The following HGSNAT variants were observed in gnomAD, a reference collection of about 807,000 sequenced individuals.
The protein encoded by HGSNAT is heparan-alpha-glucosaminide N-acetyltransferase, also known as transmembrane protein 76.
HGSNAT carries 59 observed loss-of-function variants against 85.2 expected under a neutral mutation model. That is an observed-to-expected ratio of 0.69 (90% CI 0.56 to 0.86). HGSNAT has a LOEUF of 0.86. HGSNAT is among the 40% of genes least tolerant of loss of function. HGSNAT has a pLI of 0.00. For missense variants in HGSNAT, 756 were observed against 777.1 expected, an observed-to-expected ratio of 0.97 and a Z score of 0.32; for synonymous variants, 321 against 304.5, an observed-to-expected ratio of 1.05 and a Z score of -0.56.
At chr8:43,160,615 G>A (rs1248298889) in intron 4 of HGSNAT, among the ~76,000 whole-genome samples, 3 of 152,190 alleles carry the variant, frequency 2.0e-5, no homozygotes, top group African/African-American at 7.2e-5. Context: ...ACCCTAAACT[G>A]TAAAATCACA....
At chr8:43,195,494 G>A (rs1804675555) in intron 14 of HGSNAT, among the ~76,000 whole-genome samples, 1 of 150,200 alleles carries the variant, frequency 6.7e-6, no homozygotes, top group African/African-American at 2.5e-5. Context: ...AGGAGGAGAA[G>A]GAAGAGGAGG....
chr8:43,141,988 C>T (rs1802565516), intron 1 of HGSNAT, among the ~76,000 whole-genome samples: 1 of 152,140 alleles, frequency 6.6e-6, no homozygotes, highest in South Asian at 2.1e-4. Flanking sequence ...CTTTCCCTGT[C>T]ACCTGGAGCC....
rs751419441 is a variant in HGSNAT at position 43,158,622 on chromosome 8, G to A, written c.282G>A (p.Gly94=). ...ACGTTCCTCAGAGTCCAAAAGCAGG[G>A]AAGCCTAGTGCTGCAGCTGCCTCTG... ...LVNVPQSPKA[G]KPSAAAASVS... The change falls in exon 3 of 18, where the codon GGG becomes GGA. Residue 94 remains glycine, a synonymous_variant. Transcript: ENST00000379644. 39 of 1,613,936 alleles carry A rather than the reference G, an allele frequency of 2.4e-5. No homozygotes were observed. Among genetic ancestry groups the A allele is most frequent in the South Asian group, 9.9e-5 (9 of 91,072 alleles).
intron 11 of HGSNAT, among the ~76,000 whole-genome samples, chr8:43,189,337 A>G (rs938090360): frequency 6.6e-6 from 1 of 152,096 alleles, no homozygotes; most frequent in Non-Finnish European, 1.5e-5. Context: ...GCAATGGCGG[A>G]TGCCCTTCCC....
chr8:43,143,588 A>C (rs952990259), intron 1 of HGSNAT, among the ~76,000 whole-genome samples: 2 of 148,980 alleles, frequency 1.3e-5, no homozygotes, highest in Non-Finnish European at 3.0e-5. Context: ...CCCAGGCTGG[A>C]GTGCAGTGGT....
intron 2 of HGSNAT, among the ~76,000 whole-genome samples, chr8:43,148,949 C>G (rs1484021161): frequency 6.6e-6 from 1 of 151,146 alleles, no homozygotes; most frequent in African/African-American, 2.4e-5. Flanking sequence ...AACCCCGACT[C>G]TACTAAAAAT....
At position 43,193,808 on chromosome 8, in the gene HGSNAT, A is replaced by G. The variant is rs1804620815; in HGVS notation, c.1429A>G (p.Ile477Val). The G allele has an allele frequency of 1.2e-6, 2 of 1,613,976 alleles. No individual in the cohort carries two copies. Among genetic ancestry groups the G allele is most frequent in the Middle Eastern group, 3.3e-4 (2 of 6,062 alleles). The change falls in exon 14 of 18, where the codon ATC becomes GTC. Residue 477 changes from isoleucine (I) to valine (V), a missense_variant. Coordinates refer to ENST00000379644, the MANE Select transcript of HGSNAT (RefSeq NM_152419.3). ...TGACCCCGAGGGCATCCTGGGCACC[A>G]TCAACTCCATCGTGATGGCCTTTTT... is the stretch of plus-strand genomic sequence containing the variant. ...AYDPEGILGT[I>V]NSIVMAFLGV...
chr8:43,188,375 G>C (rs1036808004), intron 11 of HGSNAT, among the ~76,000 whole-genome samples: 1 of 151,726 alleles, frequency 6.6e-6, no homozygotes, highest in Non-Finnish European at 1.5e-5. Flanking sequence ...TTCTTTTCTC[G>C]CTTCATTTCA....
chr8:43,141,028 A>G (rs1029531180), intron 1 of HGSNAT, among the ~76,000 whole-genome samples: 2 of 152,106 alleles, frequency 1.3e-5, no homozygotes, highest in African/African-American at 4.8e-5. Context: ...CACTGTTCGG[A>G]GGGACTTAGA....
chr8:43,166,297 C>T (rs961476281), intron 5 of HGSNAT, among the ~76,000 whole-genome samples: 15 of 152,202 alleles, frequency 9.9e-5, no homozygotes, highest in African/African-American at 2.9e-4. Context: ...GCAGATGAAA[C>T]AGCCTTCTAT....
chr8:43,152,962 C>T (rs1341967518), intron 2 of HGSNAT, among the ~76,000 whole-genome samples: 5 of 151,322 alleles, frequency 3.3e-5, no homozygotes, highest in Admixed American at 6.6e-5. Context: ...GTCAGAGGAT[C>T]AAAAGACGGC....
intron 2 of HGSNAT, among the ~76,000 whole-genome samples, chr8:43,154,274 A>G (rs1326857180): frequency 6.6e-6 from 1 of 151,836 alleles, no homozygotes; most frequent in African/African-American, 2.4e-5. Context: ...TACATGTGCC[A>G]TGTTGGTGTG....
At chr8:43,196,010 C>T in intron 14 of HGSNAT, 2 of 166,468 alleles carry the variant, frequency 1.2e-5, no homozygotes, top group Non-Finnish European at 2.6e-5. Context: ...TCATGTAATC[C>T]CTACATACAC....
At chr8:43,173,847 GT>G in intron 9 of HGSNAT, 104 bp downstream of exon 9, 1 of 1,233,276 alleles carries the variant, frequency 8.1e-7, no homozygotes, top group Non-Finnish European at 1.1e-6. Context: ...GTGTTATGTG[GT>G]TAGGAAGTCC....
In HGSNAT at chr8:43,177,280, G is replaced by A. The variant is rs150990857; in HGVS notation, c.852-794G>A. 4.4e-3 allele frequency among the ~76,000 whole-genome samples: 662 copies of A among 151,992 alleles called. 8 individuals carry two copies. The highest frequency in any genetic ancestry group is 0.015 in the African/African-American group (633 of 41,448). On this transcript the variant is annotated intron_variant, in intron 9 of 17. Transcript: ENST00000379644. ...AAGAGATAATTTAGGGCCAGGTGTG[G>A]TGGCTCATGCCTGTAATCCCAGCAC...
chr8:43,179,179 T>A (rs1485982204), intron 10 of HGSNAT, among the ~76,000 whole-genome samples: 7 of 149,468 alleles, frequency 4.7e-5, no homozygotes, highest in Non-Finnish European at 8.9e-5. Flanking sequence ...CACTTCCCAG[T>A]AGGGGCGGCC....
At chr8:43,153,532 C>G (rs1214724180) in intron 2 of HGSNAT, among the ~76,000 whole-genome samples, 1 of 152,094 alleles carries the variant, frequency 6.6e-6, no homozygotes, top group African/African-American at 2.4e-5. Context: ...GGGTAGTTAA[C>G]ATTTCCATCA....
In HGSNAT at chr8:43,147,068, G is replaced by T; in HGVS notation, c.234+5G>T. Reference sequence around the variant, plus strand: ...AAATCTGAATGCTGTTATCACGTATGTATCAGTTCACACTCAGTTCTGTTT... The same window carrying T: ...AAATCTGAATGCTGTTATCACGTATTTATCAGTTCACACTCAGTTCTGTTT... On this transcript the variant is annotated splice_donor_5th_base_variant and intron_variant, in intron 2 of 17. Coordinates refer to ENST00000379644, the MANE Select transcript of HGSNAT (RefSeq NM_152419.3). 6.5e-7 allele frequency: 1 copy of T among 1,540,880 alleles called. No individual in the cohort carries two copies. The highest frequency in any genetic ancestry group is 8.9e-7 in the Non-Finnish European group (1 of 1,121,672).
chr8:43,185,043 T>G (rs1180911864), intron 11 of HGSNAT, among the ~76,000 whole-genome samples: 1 of 152,206 alleles, frequency 6.6e-6, no homozygotes, highest in Non-Finnish European at 1.5e-5. Flanking sequence ...ACTGTAGCCT[T>G]GTAGTATAGT....
Sources: gnomAD v4.1 joint callset for allele counts (sites outside exome capture counted in the v4.1 genomes callset) on GRCh38, gnomAD v4.1.1 for gene constraint, MANE v1.5 for transcripts, NCBI Gene and HGNC (gene_info 2026-07-23, HGNC 2026-07-21) for gene names.